The following TRIM36 variants were observed in gnomAD, a reference collection of about 807,000 sequenced individuals.
The protein encoded by TRIM36 is E3 ubiquitin-protein ligase TRIM36.
TRIM36 carries 42 observed loss-of-function variants against 72.4 expected under a neutral mutation model. That is an observed-to-expected ratio of 0.58 (90% CI 0.45 to 0.75). TRIM36 has a LOEUF of 0.75. Ranked by LOEUF, TRIM36 falls within the 30% of genes least tolerant of loss-of-function variation. The pLI is 0.00. For synonymous variants in TRIM36, 315 were observed against 282.8 expected (o/e 1.11, Z -1.14); for missense variants, 913 against 857.1 (o/e 1.07, Z -0.81).
At chr5:115,134,878 T>A (rs1436850423) in intron 7 of TRIM36, among the ~76,000 whole-genome samples, 1 of 152,188 alleles carries the variant, frequency 6.6e-6, no homozygotes, top group African/African-American at 2.4e-5. Flanking sequence ...CATAGTTTAT[T>A]CTGTAGAGTT....
In TRIM36 at chr5:115,130,792, A is replaced by G; in HGVS notation, c.1596T>C (p.Asn532=). 1 of 1,614,176 alleles carries G rather than the reference A, an allele frequency of 6.2e-7. No homozygotes were observed. The highest frequency in any genetic ancestry group is 1.3e-5 in the African/African-American group (1 of 75,050). ...RDRVESRAGF[N]LLLAAERIQV... ...GGATGCGTTCTGCAGCAAGCAGAAG[A>G]TTAAATCCAGCTCTACTCTCTACAC... Residue 532 remains asparagine (N), a synonymous_variant, in exon 9 of 10, where the codon AAT becomes AAC. Coordinates refer to ENST00000513154, the MANE Select transcript of TRIM36 (RefSeq NM_001300759.2).
At chr5:115,150,503 A>G (rs1753831556) in intron 2 of TRIM36, among the ~76,000 whole-genome samples, 1 of 152,212 alleles carries the variant, frequency 6.6e-6, no homozygotes. Flanking sequence ...AATGAAAAAG[A>G]AAAACAGAGG....
At chr5:115,165,502 G>A (rs1322557074) in intron 1 of TRIM36, among the ~76,000 whole-genome samples, 1 of 152,208 alleles carries the variant, frequency 6.6e-6, no homozygotes, top group Non-Finnish European at 1.5e-5. Flanking sequence ...TGAGGCAATG[G>A]TCTGAACTGT....
chr5:115,163,371 G>A (rs1754589267), intron 2 of TRIM36, 147 bp downstream of exon 2: 6 of 642,890 alleles, frequency 9.3e-6, no homozygotes, highest in Non-Finnish European at 1.6e-5. Flanking sequence ...CAGTGGGGGA[G>A]GCCCCTTTAT....
At chr5:115,166,475 G>A (rs929535965) in intron 1 of TRIM36, among the ~76,000 whole-genome samples, 1 of 152,156 alleles carries the variant, frequency 6.6e-6, no homozygotes, top group Admixed American at 6.5e-5. Flanking sequence ...GTTGTCGGGA[G>A]GAACTGCCTG....
intron 9 of TRIM36, among the ~76,000 whole-genome samples, chr5:115,130,108 A>G (rs1481331330): frequency 6.6e-6 from 1 of 152,206 alleles, no homozygotes; most frequent in Admixed American, 6.5e-5. Context: ...ATCTAAAAGA[A>G]CTGAACTGTA....
intron 8 of TRIM36, among the ~76,000 whole-genome samples, chr5:115,132,621 T>C (rs1752754055): frequency 6.6e-6 from 1 of 151,922 alleles, no homozygotes; most frequent in African/African-American, 2.4e-5. Context: ...CCATTCTTCC[T>C]GCTAATGCCT....
In TRIM36 at chr5:115,132,107, T is replaced by C. The variant is rs375967130; in HGVS notation, c.1499-1218A>G. Among the ~76,000 whole-genome samples the C allele has an allele frequency of 1.8e-4, 27 of 151,642 alleles. No individual in the cohort carries two copies. In the South Asian group the frequency reaches 3.8e-3, roughly 21 times the overall value. On this transcript the variant is annotated intron_variant, in intron 8 of 9. Transcript: ENST00000513154. ...CCTTTAGTCCTAGCTACATGGGAGA[T>C]AGGAGGATTACTTGAGTTCAGGAGT...
chr5:115,126,006 CT>C lies in TRIM36; in HGVS notation c.*496del, dbSNP rs1752343446. 6.6e-6 allele frequency: 1 copy of C among 152,598 alleles called. No individual in the cohort carries two copies. Among genetic ancestry groups the C allele is most frequent in the South Asian group, 2.1e-4 (1 of 4,844 alleles). 9.5% of individuals were successfully genotyped at this position (152,598 alleles called of 1,614,324 possible). A position where few individuals can be genotyped will look rare whatever the true frequency, so the allele number is the denominator to read the frequency against. Reference sequence around the variant, plus strand: ...ATACTACCACTTTTATGGTGTTTTTCTTTTAACCTATCTAGAACTTTGTTTT... The same window carrying C: ...ATACTACCACTTTTATGGTGTTTTTCTTTAACCTATCTAGAACTTTGTTTT... On this transcript the variant is annotated 3_prime_UTR_variant, in exon 10 of 10. Coordinates refer to ENST00000513154, the MANE Select transcript of TRIM36 (RefSeq NM_001300759.2).
At chr5:115,179,475 G>A (rs1429621855) in intron 1 of TRIM36, among the ~76,000 whole-genome samples, 1 of 152,250 alleles carries the variant, frequency 6.6e-6, no homozygotes, top group South Asian at 2.1e-4. Flanking sequence ...GCGAACGAAC[G>A]TGCTGTCCCT....
chr5:115,172,837 G>T (rs1246355085), upstream of TRIM36, among the ~76,000 whole-genome samples: 1 of 152,118 alleles, frequency 6.6e-6, no homozygotes, highest in South Asian at 2.1e-4. Context: ...TAAGCATCTG[G>T]AATAGAGCAC....
chr5:115,131,118 T>C (rs1483744575), intron 8 of TRIM36, among the ~76,000 whole-genome samples: 2 of 152,118 alleles, frequency 1.3e-5, no homozygotes, highest in Admixed American at 1.3e-4. Flanking sequence ...GATGTAAATA[T>C]TTTAAATATA....
At chr5:115,175,785 A>G (rs1189593352) in intron 1 of TRIM36, among the ~76,000 whole-genome samples, 1 of 152,180 alleles carries the variant, frequency 6.6e-6, no homozygotes, top group Non-Finnish European at 1.5e-5. Flanking sequence ...CCCACAGCAC[A>G]TACATTTCAC....
chr5:115,180,034 A>G, exon 1 of TRIM36: 1 of 1,613,994 alleles, frequency 6.2e-7, no homozygotes, highest in Non-Finnish European at 8.5e-7. Flanking sequence ...CCAGACTCCG[A>G]CATGTTTACA....
intron 1 of TRIM36, among the ~76,000 whole-genome samples, chr5:115,168,470 C>T (rs977452323): frequency 8.5e-5 from 13 of 152,182 alleles, no homozygotes; most frequent in African/African-American, 2.9e-4. Flanking sequence ...TAGAAATACA[C>T]AGAAAATTAA....
chr5:115,153,283 A>C (rs530069596), intron 2 of TRIM36, among the ~76,000 whole-genome samples: 2 of 152,346 alleles, frequency 1.3e-5, no homozygotes, highest in East Asian at 3.9e-4. Context: ...CAATTTAAAA[A>C]GACAAAGAAG....
At chr5:115,148,415 CT>C (rs146223001) in intron 2 of TRIM36, 48,774 of 501,098 alleles carry the variant, frequency 0.097, 1 homozygote, top group Middle Eastern at 0.13. Context: ...TAAATCTGTT[CT>C]TTTTTTTTTT....
intron 1 of TRIM36, among the ~76,000 whole-genome samples, chr5:115,179,000 T>C (rs1755476495): frequency 1.3e-5 from 2 of 152,146 alleles, no homozygotes; most frequent in South Asian, 4.1e-4. Flanking sequence ...GGCTACAGAA[T>C]CATCCTCCTT....
intron 4 of TRIM36, among the ~76,000 whole-genome samples, chr5:115,143,971 C>A (rs925684815): frequency 1.3e-5 from 2 of 152,014 alleles, no homozygotes; most frequent in Non-Finnish European, 2.9e-5. Context: ...CCTGGGTTCA[C>A]AGCATTCTCC....
Sources: allele counts gnomAD v4.1 joint callset (sites outside exome capture counted in the v4.1 genomes callset), GRCh38; gene constraint gnomAD v4.1.1; transcripts MANE v1.5; gene names NCBI Gene and HGNC (gene_info 2026-07-23, HGNC 2026-07-21).